Variants in SHISA9 observed in about 807,000 individuals in gnomAD.
SHISA9 encodes protein shisa-9.
SHISA9 carries 13 observed loss-of-function variants against 38.0 expected under a neutral mutation model. The observed-to-expected ratio is 0.34, with a 90% confidence interval of 0.22 to 0.54. The LOEUF is 0.54. Ranked by LOEUF, SHISA9 falls within the 20% of genes least tolerant of loss-of-function variation. SHISA9 has a pLI of 0.91. For synonymous variants in SHISA9, 275 were observed against 242.0 expected (o/e 1.14, Z -1.27); for missense variants, 538 against 575.8 (o/e 0.93, Z 0.67).
chr16:13,275,438 T>C, the SHISA9 span, among the ~76,000 whole-genome samples: 1 of 152,130 alleles, frequency 6.6e-6, no homozygotes. Flanking sequence ...ATTTTACAAT[T>C]TTCTTTTAAT....
At chr16:13,359,610 A>G in the SHISA9 span, among the ~76,000 whole-genome samples, 1 of 152,226 alleles carries the variant, frequency 6.6e-6, no homozygotes, top group African/African-American at 2.4e-5. Flanking sequence ...GAAAACTCCA[A>G]TTTATCACCA....
the SHISA9 span, among the ~76,000 whole-genome samples, chr16:13,546,952 C>G: frequency 6.6e-6 from 1 of 152,210 alleles, no homozygotes; most frequent in African/African-American, 2.4e-5. Context: ...TGCTGTGCTA[C>G]AGCCACACTG....
the SHISA9 span, among the ~76,000 whole-genome samples, chr16:13,429,030 G>C: frequency 6.6e-6 from 1 of 152,128 alleles, no homozygotes; most frequent in Non-Finnish European, 1.5e-5. Flanking sequence ...GCCTCCCAAA[G>C]TGCTGGGATT....
the SHISA9 span, among the ~76,000 whole-genome samples, chr16:13,409,172 G>A: frequency 2.6e-5 from 4 of 152,092 alleles, no homozygotes; most frequent in East Asian, 3.9e-4. Context: ...AGAGGAGTTC[G>A]GCCGCTAGAT....
chr16:13,532,423 C>T, the SHISA9 span, among the ~76,000 whole-genome samples: 1 of 152,108 alleles, frequency 6.6e-6, no homozygotes, highest in African/African-American at 2.4e-5. Context: ...CACATCAAAC[C>T]AGAGCAGAGG....
At chr16:13,144,376 C>A (rs1294755532) in intron 2 of SHISA9, among the ~76,000 whole-genome samples, 1 of 152,098 alleles carries the variant, frequency 6.6e-6, no homozygotes, top group Non-Finnish European at 1.5e-5. Context: ...TGGTCTCAAT[C>A]TCTTGGCTTC....
the SHISA9 span, among the ~76,000 whole-genome samples, chr16:13,290,541 A>T: frequency 6.6e-6 from 1 of 152,262 alleles, no homozygotes; most frequent in Admixed American, 6.5e-5. Context: ...GTTTCCTGTT[A>T]TCCAGGATGA....
intron 2 of SHISA9, among the ~76,000 whole-genome samples, chr16:13,066,458 A>G (rs914290055): frequency 6.6e-6 from 1 of 152,142 alleles, no homozygotes; most frequent in Admixed American, 6.5e-5. Flanking sequence ...CATAAAAACC[A>G]TCTTTTTGTT....
At chr16:13,375,409 C>T in the SHISA9 span, among the ~76,000 whole-genome samples, 3 of 152,150 alleles carry the variant, frequency 2.0e-5, no homozygotes, top group Admixed American at 1.3e-4. Context: ...GTTTTCCCAG[C>T]ACCATTTATT....
At chr16:13,037,095 C>CACACACAGACAGACAG (rs2073079877) in intron 2 of SHISA9, among the ~76,000 whole-genome samples, 7 of 35,944 alleles carry the variant, frequency 1.9e-4, no homozygotes, top group African/African-American at 1.0e-3. Flanking sequence ...ACACCACACA[C>CACACACAGACAGACAG]ACACACACAC....
the SHISA9 span, among the ~76,000 whole-genome samples, chr16:13,346,740 ATTATTT>A: frequency 1.3e-5 from 2 of 152,158 alleles, no homozygotes; most frequent in African/African-American, 2.4e-5. Context: ...ATTCTATTTT[ATTATTT>A]TTATTTCCCC....
the SHISA9 span, among the ~76,000 whole-genome samples, chr16:13,547,653 T>G: frequency 1.3e-5 from 2 of 152,200 alleles, no homozygotes; most frequent in East Asian, 1.9e-4. Flanking sequence ...GGGGGGATAT[T>G]CTTTGCTTAG....
At chr16:12,946,202 A>G (rs2071686545) in intron 2 of SHISA9, among the ~76,000 whole-genome samples, 1 of 152,074 alleles carries the variant, frequency 6.6e-6, no homozygotes, top group South Asian at 2.1e-4. Flanking sequence ...TGGTCTATAT[A>G]TCTGTTTTGG....
intron 2 of SHISA9, among the ~76,000 whole-genome samples, chr16:13,145,458 C>T (rs775654465): frequency 1.3e-5 from 2 of 152,020 alleles, no homozygotes; most frequent in Admixed American, 6.6e-5. Context: ...ACCCGGGAGG[C>T]GGGAGTTGCA....
chr16:13,118,760 A>C (rs2074056827), intron 2 of SHISA9, among the ~76,000 whole-genome samples: 3 of 100,170 alleles, frequency 3.0e-5, no homozygotes, highest in African/African-American at 4.0e-5. Flanking sequence ...ACAGAGTTTC[A>C]CTCTTTTTGC....
intron 2 of SHISA9, among the ~76,000 whole-genome samples, chr16:13,184,214 A>G (rs1475481323): frequency 1.3e-5 from 2 of 152,072 alleles, no homozygotes; most frequent in Non-Finnish European, 2.9e-5. Flanking sequence ...TTTCCATTCC[A>G]CTGCCTCACA....
chr16:13,342,765 A>C, the SHISA9 span, among the ~76,000 whole-genome samples: 1 of 152,108 alleles, frequency 6.6e-6, no homozygotes, highest in Non-Finnish European at 1.5e-5. Flanking sequence ...ATTATTTGCA[A>C]TCACCTGCTT....
chr16:12,951,636 GGGAGGGGTGCACCTGCCT>G (rs2071758815), intron 2 of SHISA9, among the ~76,000 whole-genome samples: 1 of 152,198 alleles, frequency 6.6e-6, no homozygotes, highest in African/African-American at 2.4e-5. Flanking sequence ...ATGGCGGTGG[GGGAGGGGTGCACCTGCCT>G]GGTAAAAGGA....
chr16:13,113,050 A>G (rs1409586674), intron 2 of SHISA9, among the ~76,000 whole-genome samples: 3 of 151,762 alleles, frequency 2.0e-5, no homozygotes, highest in Non-Finnish European at 4.4e-5. Context: ...TCTCTATTAA[A>G]AATACAAAAA....
Sources: gnomAD v4.1 joint callset for allele counts (sites outside exome capture counted in the v4.1 genomes callset) on GRCh38, gnomAD v4.1.1 for gene constraint, MANE v1.5 for transcripts, NCBI Gene and HGNC (gene_info 2026-07-23, HGNC 2026-07-21) for gene names.